Variants in LLGL1 observed in about 807,000 individuals in gnomAD.
LLGL1 encodes the protein LLGL scribble cell polarity complex component 1, also known as lethal(2) giant larvae protein homolog 1.
LLGL1 carries 58 observed loss-of-function variants against 110.6 expected under a neutral mutation model. That is an observed-to-expected ratio of 0.52 (90% CI 0.42 to 0.65). LLGL1 has a LOEUF of 0.65. Among genes scored for constraint, LLGL1 ranks in the 30% least tolerant of loss-of-function variants. The pLI is 0.00. For synonymous variants in LLGL1, 674 were observed against 607.2 expected (o/e 1.11, Z -1.62); for missense variants, 1,229 against 1,462.1 (o/e 0.84, Z 2.60).
chr17:18,234,905 T>C lies in LLGL1; in HGVS notation c.972T>C (p.Ser324=). 1 of 1,614,056 alleles carries C rather than the reference T, an allele frequency of 6.2e-7. No homozygotes were observed. Among genetic ancestry groups the C allele is most frequent in the South Asian group, 1.1e-5 (1 of 91,076 alleles). ...GCTATGGTGACCGCCACTGTGTAAGTGTGCTTCGAGCCGAGACATTGGTGA... is the reference window on the plus strand; with the variant it reads ...GCTATGGTGACCGCCACTGTGTAAGCGTGCTTCGAGCCGAGACATTGGTGA... The part of the protein sequence containing the change: ...RASYGDRHCV[S]VLRAETLVTL... Residue 324 remains serine, a synonymous_variant, in exon 9 of 23, where the codon AGT becomes AGC. Coordinates refer to ENST00000316843, the MANE Select transcript of LLGL1 (RefSeq NM_004140.4).
Position 18,240,449 on chromosome 17 carries a change from G to C in LLGL1, c.2207-129G>C. ...TGGGGCAGGAGGGAATCAGCCCTGA[G>C]TCCCAGGGTGTCATAGTTAGGAAGC... On this transcript the variant is annotated intron_variant, in intron 16 of 22. Transcript: ENST00000316843. The surrounding 1 kb of genome is among the most constrained non-coding windows in gnomAD (Gnocchi z 5.3). 3 of 1,150,378 alleles carry C rather than the reference G, an allele frequency of 2.6e-6. No homozygotes were observed. Among genetic ancestry groups the C allele is most frequent in the Non-Finnish European group, 3.7e-6 (3 of 821,210 alleles). 71.3% of individuals were successfully genotyped at this position (1,150,378 alleles called of 1,614,324 possible).
At chr17:18,226,740 A>G (rs1186203365) in intron 1 of LLGL1, among the ~76,000 whole-genome samples, 1 of 152,164 alleles carries the variant, frequency 6.6e-6, no homozygotes, top group Non-Finnish European at 1.5e-5. Context: ...ACTAGGGGCC[A>G]GGGAAAGGGG....
intron 16 of LLGL1, among the ~76,000 whole-genome samples, chr17:18,239,252 G>A (rs2047768469): frequency 6.6e-6 from 1 of 152,170 alleles, no homozygotes; most frequent in African/African-American, 2.4e-5. Flanking sequence ...GCAGGTGAGG[G>A]TCGAGGTGTG....
Position 18,234,287 on chromosome 17 carries a change from A to C in LLGL1, c.729A>C (p.Leu243=). 2 of 1,604,886 alleles carry C rather than the reference A, an allele frequency of 1.2e-6. No individual in the cohort carries two copies. The highest frequency in any genetic ancestry group is 1.7e-6 in the Non-Finnish European group (2 of 1,175,964). Reference sequence around the variant, plus strand: ...CCTGCCCGCAGCAGCTGGAGAGCCTATGCTGGGGGCGTGATAGCAGCACTG... The same window carrying C: ...CCTGCCCGCAGCAGCTGGAGAGCCTCTGCTGGGGGCGTGATAGCAGCACTG... The part of the protein sequence containing the change: ...IFLGNQQLES[L]CWGRDSSTVV... The change falls in exon 7 of 23, where the codon CTA becomes CTC. Residue 243 remains leucine, a synonymous_variant. Coordinates refer to ENST00000316843, the MANE Select transcript of LLGL1 (RefSeq NM_004140.4).
In LLGL1 at chr17:18,241,487, T is replaced by G; in HGVS notation, c.2539T>G (p.Phe847Val). The G allele has an allele frequency of 6.2e-7, 1 of 1,613,702 alleles. No homozygotes were observed. The highest frequency in any genetic ancestry group is 8.5e-7 in the Non-Finnish European group (1 of 1,179,958). ...GCCCAAGGTGAGCGCGAAGACCAAGTTCAAGCTGACGGCCCATGAGGGCTG... is the reference window on the plus strand; with the variant it reads ...GCCCAAGGTGAGCGCGAAGACCAAGGTCAAGCTGACGGCCCATGAGGGCTG... ...TLPKVSAKTKFKLTAHEGCRV... is the reference protein window; with the variant it reads ...TLPKVSAKTKVKLTAHEGCRV... The change falls in exon 18 of 23, where the codon TTC (phenylalanine) becomes GTC (valine). Residue 847 changes from phenylalanine (F) to valine (V), a missense_variant. Coordinates refer to ENST00000316843, the MANE Select transcript of LLGL1 (RefSeq NM_004140.4).
Position 18,240,497 on chromosome 17 carries a change from G to C in LLGL1, c.2207-81G>C. 3 of 1,439,354 alleles carry C rather than the reference G, an allele frequency of 2.1e-6. No homozygotes were observed. Among genetic ancestry groups the C allele is most frequent in the Non-Finnish European group, 2.8e-6 (3 of 1,076,154 alleles). The allele number at this position is 1,439,354 out of a possible 1,614,324, so 89.2% of individuals were successfully genotyped here. Reference sequence around the variant, plus strand: ...AGCAGGGCTACAAGAGAGGCAGGGAGGGACCTGCAGTCTGTGGGAAGACCC... The same window carrying C: ...AGCAGGGCTACAAGAGAGGCAGGGACGGACCTGCAGTCTGTGGGAAGACCC... On this transcript the variant is annotated intron_variant, in intron 16 of 22. Transcript: ENST00000316843. The surrounding 1 kb of genome is among the most constrained non-coding windows in gnomAD (Gnocchi z 5.3).
Position 18,244,853 on chromosome 17 carries a change from A to G in LLGL1, c.*947A>G, listed in dbSNP as rs1316880628. ...AATACTGATTTTTAATATTGAAAAT[A>G]AAAGCATTTAATATCTCTTAAAGGG... On this transcript the variant is annotated 3_prime_UTR_variant, in exon 23 of 23. Transcript: ENST00000316843. 1 of 400,172 alleles carries G rather than the reference A, an allele frequency of 2.5e-6. No individual in the cohort carries two copies. The highest frequency in any genetic ancestry group is 4.4e-6 in the Non-Finnish European group (1 of 227,134). The allele number at this position is 400,172 out of a possible 1,614,324, so 24.8% of individuals were successfully genotyped here.
rs375592620 is a variant in LLGL1 at position 18,229,093 on chromosome 17, C to T, written c.82-848C>T. Among the ~76,000 whole-genome samples the T allele has an allele frequency of 1.1e-4, 16 of 152,252 alleles. No individual in the cohort carries two copies. In the East Asian group the frequency reaches 2.3e-3, roughly 22 times the overall value. On this transcript the variant is annotated intron_variant, in intron 1 of 22. Transcript: ENST00000316843. ...GATAAAAGGAGTTACCAGTGGCCCA[C>T]GTGGGTGTCCTGCACTGGTGTTCAG...
rs757942328 is a variant in LLGL1 at position 18,234,237 on chromosome 17, A to ATGCC, written c.715-19_715-16dup. 902 of 1,595,978 alleles carry ATGCC rather than the reference A, an allele frequency of 5.7e-4. 2 individuals are homozygous for ATGCC. The highest frequency in any genetic ancestry group is 7.2e-4 in the Non-Finnish European group (849 of 1,171,524). On this transcript the variant is annotated intron_variant, in intron 6 of 22. Coordinates refer to ENST00000316843, the MANE Select transcript of LLGL1 (RefSeq NM_004140.4). ...CCCTTGTGCATGCCCACCATGGCTC[A>ATGCC]TGCCTGCCTGCCTGCCTGCCCCTGC...
chr17:18,242,546 T>A lies in LLGL1; in HGVS notation c.3034T>A (p.Ser1012Thr), dbSNP rs1213554926. ...EPPEAALSPM[S>T]IDSATSADTT... ...ACCCGAGGCTGCACTCTCACCCATG[T>A]CCATCGACTCAGCCACCAGTGCTGA... Residue 1012 changes from serine (S) to threonine (T), a missense_variant, in exon 21 of 23, where the codon TCC becomes ACC. By Grantham distance (58) the Ser-to-Thr change is moderately conservative. Coordinates refer to ENST00000316843, the MANE Select transcript of LLGL1 (RefSeq NM_004140.4). 1.1e-5 allele frequency: 17 copies of A among 1,613,936 alleles called. No homozygotes were observed. The highest frequency in any genetic ancestry group is 1.4e-5 in the Non-Finnish European group (17 of 1,179,928).
chr17:18,232,455 CT>C (rs755682741), intron 2 of LLGL1, 39 bp from the exon 3 acceptor site: 2 of 1,569,214 alleles, frequency 1.3e-6, no homozygotes, highest in Admixed American at 3.4e-5. Flanking sequence ...CTGTGGTTTG[CT>C]GGTCTATGCC....
At chr17:18,242,387 G>A (rs2047859843) in intron 20 of LLGL1, 109 bp downstream of exon 20, 2 of 1,543,280 alleles carry the variant, frequency 1.3e-6, no homozygotes, top group Middle Eastern at 1.8e-4. Flanking sequence ...GGAGATGGGT[G>A]GTTGTGTGCT....
At position 18,235,302 on chromosome 17, in the gene LLGL1, C is replaced by G. The variant is rs751001689; in HGVS notation, c.1274C>G (p.Ser425Cys). 6.2e-7 allele frequency: 1 copy of G among 1,610,326 alleles called. No individual in the cohort carries two copies. The highest frequency in any genetic ancestry group is 1.7e-5 in the Admixed American group (1 of 59,988). The part of the protein sequence containing the change: ...AGEQQSPQPV[S>C]SALSWPITGG... The stretch of plus-strand genomic sequence containing the variant: ...GAGCAGCAGAGCCCCCAGCCTGTCT[C>G]CAGTGCCTTGGTGTGTGCGGCGATC... Residue 425 changes from serine (S) to cysteine (C), a missense_variant, in exon 10 of 23, where the codon TCC (serine) becomes TGC (cysteine). By Grantham distance (112) the Ser-to-Cys change is moderately radical (BLOSUM62 -1). Coordinates refer to ENST00000316843, the MANE Select transcript of LLGL1 (RefSeq NM_004140.4).
intron 16 of LLGL1, among the ~76,000 whole-genome samples, chr17:18,239,490 C>A (rs1597876419): frequency 6.6e-6 from 1 of 152,182 alleles, no homozygotes; most frequent in Non-Finnish European, 1.5e-5. Flanking sequence ...TTCTGCCCCC[C>A]TCCTCCACAT....
In LLGL1 at chr17:18,231,423, G is replaced by A. The variant is rs183559304; in HGVS notation, c.180-1072G>A. ...AGGCAACGGCTCCTGTGTTGTCACC[G>A]GGGCAACGTTGCTGACTCCTCCCTG... On this transcript the variant is annotated intron_variant, in intron 2 of 22. Coordinates refer to ENST00000316843, the MANE Select transcript of LLGL1 (RefSeq NM_004140.4). 1.2e-3 allele frequency among the ~76,000 whole-genome samples: 176 copies of A among 152,212 alleles called. No individual in the cohort carries two copies. The Middle Eastern group carries it at 0.024, about 21-fold the overall frequency.
intron 16 of LLGL1, 32 bp downstream of exon 16, chr17:18,238,641 AGGGTTGG>A (rs1567693903): frequency 6.3e-7 from 1 of 1,588,534 alleles, no homozygotes; most frequent in Admixed American, 1.7e-5. Flanking sequence ...GGACAGGGCA[AGGGTTGG>A]GGGGGCTGGC....
rs780909473 is a variant in LLGL1 at position 18,240,767 on chromosome 17, G to A, written c.2396G>A (p.Arg799His). 2.0e-5 allele frequency: 32 copies of A among 1,607,888 alleles called. 1 individual carries two copies. In the East Asian group the frequency reaches 2.5e-4, roughly 12 times the overall value. The stretch of plus-strand genomic sequence containing the variant: ...GTGGCCATTGCCGTGTTGGACGGGC[G>A]TGGCCGCCCACTGCCCGAGCCCTAC... ...PVVAIAVLDG[R>H]GRPLPEPYEA... The change falls in exon 17 of 23, where the codon CGT becomes CAT. Residue 799 changes from arginine to histidine, a missense_variant. Arg to His is a conservative substitution (Grantham distance 29). Coordinates refer to ENST00000316843, the MANE Select transcript of LLGL1 (RefSeq NM_004140.4). This position sits in a 1 kb window ranked among gnomAD's most constrained non-coding sequence, Gnocchi z 5.3.
At chr17:18,237,010 G>A (rs931617823) in intron 13 of LLGL1, 71 bp downstream of exon 13, 22 of 1,319,280 alleles carry the variant, frequency 1.7e-5, no homozygotes, top group Middle Eastern at 1.8e-4. Context: ...TGGAGGGTCT[G>A]GTGGAAAGGG....
At position 18,233,910 on chromosome 17, in the gene LLGL1, G is replaced by T. The variant is rs1210240383; in HGVS notation, c.525G>T (p.Thr175=). The T allele has an allele frequency of 1.2e-6, 2 of 1,612,994 alleles. No homozygotes were observed. Among genetic ancestry groups the T allele is most frequent in the East Asian group, 4.5e-5 (2 of 44,876 alleles). Reference sequence around the variant, plus strand: ...CCCTGACCCTGCTCGAGGGGCAGACGCTTGCCCCAGGCGAGGTTCTGCGCA... The same window carrying T: ...CCCTGACCCTGCTCGAGGGGCAGACTCTTGCCCCAGGCGAGGTTCTGCGCA... ...VTTLTLLEGQ[T]LAPGEVLRSV... is the part of the protein sequence containing the mutation. Residue 175 remains threonine (T), a synonymous_variant, in exon 5 of 23, where the codon ACG becomes ACT. Transcript: ENST00000316843.
Sources: gnomAD v4.1 joint callset for allele counts (sites outside exome capture counted in the v4.1 genomes callset) on GRCh38, gnomAD v4.1.1 for gene constraint, Gnocchi (gnomAD v3.1) non-coding constraint, MANE v1.5 for transcripts, NCBI Gene and HGNC (gene_info 2026-07-23, HGNC 2026-07-21) for gene names.